The following ROCK1 variants were observed in gnomAD, a reference collection of about 807,000 sequenced individuals.
ROCK1 encodes the protein Rho associated coiled-coil containing protein kinase 1.
Under a neutral mutation model 196.8 loss-of-function variants are expected in ROCK1, and 36 were observed. That is an observed-to-expected ratio of 0.18 (90% confidence interval 0.14 to 0.24). The LOEUF is 0.24. Ranked by LOEUF, ROCK1 falls within the 10% of genes least tolerant of loss-of-function variation. The pLI, the probability that ROCK1 is intolerant of heterozygous loss-of-function variation, is 1.00. For synonymous variants in ROCK1, 443 were observed against 515.9 expected, an observed-to-expected ratio of 0.86 and a Z score of 1.91; for missense variants, 920 against 1,562.0, an observed-to-expected ratio of 0.59 and a Z score of 6.93.
intron 1 of ROCK1, among the ~76,000 whole-genome samples, chr18:21,094,555 T>C (rs1248631417): frequency 2.8e-5 from 4 of 144,352 alleles, no homozygotes; most frequent in Non-Finnish European, 6.0e-5. Flanking sequence ...CTGGGCAACA[T>C]GGCAAAACCC....
In ROCK1 at chr18:21,110,987, G is replaced by T; in HGVS notation, c.-77C>A. 8.0e-7 allele frequency: 1 copy of T among 1,248,602 alleles called. No homozygotes were observed. The highest frequency in any genetic ancestry group is 1.2e-6 in the Non-Finnish European group (1 of 855,566). The allele number at this position is 1,248,602 out of a possible 1,614,324, so 77.3% of individuals were successfully genotyped here. A position where few individuals can be genotyped will look rare whatever the true frequency, so the allele number is the denominator to read the frequency against. ...ATTTCAACCAACTTCCTCCGCGGTG[G>T]GTTCGCAGCCGCGGGGCGGAGGAGC... On this transcript the variant is annotated 5_prime_UTR_variant, in exon 1 of 33. Transcript: ENST00000399799.
intron 16 of ROCK1, among the ~76,000 whole-genome samples, chr18:20,997,832 G>A (rs1214134414): frequency 7.0e-6 from 1 of 142,122 alleles, no homozygotes. Flanking sequence ...TCAACAACAA[G>A]TGGATTTTTT....
At position 20,968,757 on chromosome 18, in the gene ROCK1, C is replaced by T. The variant is rs763513855; in HGVS notation, c.3003+15G>A. 52 of 1,489,978 alleles carry T rather than the reference C, an allele frequency of 3.5e-5. No individual in the cohort carries two copies. The East Asian group carries it at 9.5e-4, about 27-fold the overall frequency. 92.3% of individuals were successfully genotyped at this position (1,489,978 alleles called of 1,614,324 possible). A position where few individuals can be genotyped will look rare whatever the true frequency, so the allele number is the denominator to read the frequency against. ...TCAAAAATGAACATGTGGAAAAGAT[C>T]GAAAGCATGTATACCTGTGTTTTAA... On this transcript the variant is annotated intron_variant, in intron 25 of 32. Transcript: ENST00000399799.
chr18:21,053,187 T>C (rs2036218281), intron 2 of ROCK1, among the ~76,000 whole-genome samples: 1 of 152,230 alleles, frequency 6.6e-6, no homozygotes, highest in Admixed American at 6.5e-5. Flanking sequence ...ACACATTTGT[T>C]TGGCTGCTGC....
chr18:20,989,685 TAGAAAAGAAAAAG>T (rs2035606710), intron 18 of ROCK1, among the ~76,000 whole-genome samples: 1 of 151,996 alleles, frequency 6.6e-6, no homozygotes, highest in Admixed American at 6.6e-5. Flanking sequence ...AAGGTTGATA[TAGAAAAGAAAAAG>T]AGAAAAGAAG....
rs2143453550 is a variant in ROCK1 at position 21,015,450 on chromosome 18, A to T, written c.1391T>A (p.Met464Lys). 6.4e-7 allele frequency: 1 copy of T among 1,567,212 alleles called. No individual in the cohort carries two copies. The highest frequency in any genetic ancestry group is 8.8e-7 in the Non-Finnish European group (1 of 1,141,936). ...RTSNIKLDKIMKELDEEGNQR... is the reference protein window; with the variant it reads ...RTSNIKLDKIKKELDEEGNQR... The stretch of plus-strand genomic sequence containing the variant: ...AAGTACCTCTTCATCCAATTCTTTC[A>T]TTATCTTGTCTAGTTTTATGTTTGA... The change falls in exon 13 of 33, where the codon ATG (methionine) becomes AAG (lysine). Residue 464 changes from methionine to lysine, a missense_variant. Transcript: ENST00000399799.
intron 10 of ROCK1, among the ~76,000 whole-genome samples, chr18:21,028,219 C>A (rs1429062433): frequency 6.6e-6 from 1 of 150,978 alleles, no homozygotes. Context: ...AGTTCAAGAC[C>A]AGCCTGGCCA....
At chr18:21,051,296 T>C (rs918190870) in intron 2 of ROCK1, among the ~76,000 whole-genome samples, 4 of 152,018 alleles carry the variant, frequency 2.6e-5, no homozygotes, top group Admixed American at 2.6e-4. Flanking sequence ...AAAAATATTT[T>C]TTTAAAAATT....
At chr18:21,016,194 TAAC>T (rs1598529138) in intron 12 of ROCK1, among the ~76,000 whole-genome samples, 1 of 152,268 alleles carries the variant, frequency 6.6e-6, no homozygotes, top group East Asian at 1.9e-4. Flanking sequence ...TAATAAAAAT[TAAC>T]AACTACTGCT....
intron 8 of ROCK1, among the ~76,000 whole-genome samples, chr18:21,040,612 C>A (rs1328082675): frequency 1.3e-5 from 2 of 152,128 alleles, no homozygotes; most frequent in Non-Finnish European, 2.9e-5. Flanking sequence ...TTCCAAGAAG[C>A]TTTCACTAAC....
intron 1 of ROCK1, among the ~76,000 whole-genome samples, chr18:21,096,793 C>A (rs1350554347): frequency 1.3e-5 from 2 of 152,086 alleles, no homozygotes; most frequent in African/African-American, 4.8e-5. Flanking sequence ...TAATCATTCA[C>A]ACCAATCAAT....
At chr18:21,005,219 C>T (rs1367383882) in intron 16 of ROCK1, among the ~76,000 whole-genome samples, 1 of 152,184 alleles carries the variant, frequency 6.6e-6, no homozygotes, top group African/African-American at 2.4e-5. Flanking sequence ...AAAAACTGTT[C>T]ATTTATTCAC....
intron 1 of ROCK1, among the ~76,000 whole-genome samples, chr18:21,098,220 T>C (rs936970366): frequency 1.3e-5 from 2 of 152,136 alleles, no homozygotes; most frequent in African/African-American, 4.8e-5. Context: ...AGTGTGGTAT[T>C]AGCACATGAA....
intron 10 of ROCK1, among the ~76,000 whole-genome samples, chr18:21,027,567 T>C (rs1276915394): frequency 6.6e-6 from 1 of 152,112 alleles, no homozygotes; most frequent in Non-Finnish European, 1.5e-5. Context: ...TACTGTGTTT[T>C]AATTTACTTA....
chr18:20,979,931 A>G lies in ROCK1; in HGVS notation c.2633T>C (p.Ile878Thr). 1 of 1,541,896 alleles carries G rather than the reference A, an allele frequency of 6.5e-7. No homozygotes were observed. The highest frequency in any genetic ancestry group is 8.8e-7 in the Non-Finnish European group (1 of 1,142,200). ...ATACTTTTCATTTTGTAGTTCCTGTATTTTCTTTAAATTTTCTCTGTTTTT... is the reference window on the plus strand; with the variant it reads ...ATACTTTTCATTTTGTAGTTCCTGTGTTTTCTTTAAATTTTCTCTGTTTTT... ...EEKNRENLKK[I>T]QELQNEKETL... The change falls in exon 22 of 33, where the codon ATA becomes ACA. Residue 878 changes from isoleucine to threonine, a missense_variant. Ile to Thr is a moderately conservative substitution (Grantham distance 89). Transcript: ENST00000399799.
At position 21,085,343 on chromosome 18, in the gene ROCK1, C is replaced by CAA. The variant is rs369750551; in HGVS notation, c.94-14732_94-14731dup. ...CAGAGCAGCTTGGACAACCCCATTT[C>CAA]AAAAAAAAAAAAAAGGCAAATTTCA... On this transcript the variant is annotated intron_variant, in intron 1 of 32. Coordinates refer to ENST00000399799, the MANE Select transcript of ROCK1 (RefSeq NM_005406.3). 2.5e-3 allele frequency among the ~76,000 whole-genome samples: 192 copies of CAA among 78,024 alleles called. 12 individuals carry two copies. Among genetic ancestry groups the CAA allele is most frequent in the African/African-American group, 6.9e-3 (147 of 21,276 alleles). 51.2% of individuals were successfully genotyped at this position (78,024 alleles called of 152,430 possible).
intron 4 of ROCK1, among the ~76,000 whole-genome samples, chr18:21,048,675 C>CA (rs201694495): frequency 0.03 from 4,594 of 152,086 alleles, 244 homozygotes; most frequent in African/African-American, 0.1. Context: ...TCAGCCTCCC[C>CA]AGTAGCTGGA....
At chr18:21,083,789 CAGTA>C (rs1187747062) in intron 1 of ROCK1, among the ~76,000 whole-genome samples, 1 of 152,130 alleles carries the variant, frequency 6.6e-6, no homozygotes, top group East Asian at 1.9e-4. Context: ...GTTTTGCTAT[CAGTA>C]AGGCTTTCAG....
At chr18:20,970,683 T>C (rs919526820) in intron 22 of ROCK1, among the ~76,000 whole-genome samples, 170 bp from the exon 23 acceptor site, 1 of 152,230 alleles carries the variant, frequency 6.6e-6, no homozygotes, top group Non-Finnish European at 1.5e-5. Flanking sequence ...GAATTTAACC[T>C]CTCACATGTT....
Sources: allele counts gnomAD v4.1 joint callset (sites outside exome capture counted in the v4.1 genomes callset), GRCh38; gene constraint gnomAD v4.1.1; transcripts MANE v1.5; gene names NCBI Gene and HGNC (gene_info 2026-07-23, HGNC 2026-07-21).